Variants in WWOX observed in about 807,000 individuals in gnomAD.
WWOX encodes the protein WW domain-containing oxidoreductase.
A neutral mutation model predicts 46.2 loss-of-function variants in WWOX; 69 were observed. The observed-to-expected ratio is 1.49, with a 90% CI of 1.23 to 1.82. WWOX has a LOEUF of 1.82. Among genes scored for constraint, WWOX ranks in the 40% most tolerant of loss-of-function variants. The pLI is 0.00. For missense variants in WWOX, 919 were observed against 542.6 expected, an observed-to-expected ratio of 1.69 and a Z score of -6.89; for synonymous variants, 359 against 202.6, an observed-to-expected ratio of 1.77 and a Z score of -6.56.
At chr16:78,190,199 A>C (rs778630821) in intron 5 of WWOX, among the ~76,000 whole-genome samples, 1 of 152,268 alleles carries the variant, frequency 6.6e-6, no homozygotes, top group East Asian at 1.9e-4. Context: ...ACCAGTCCCT[A>C]GCCTGTGGAG....
chr16:78,711,869 A>G (rs1343959841), intron 8 of WWOX, among the ~76,000 whole-genome samples: 1 of 152,144 alleles, frequency 6.6e-6, no homozygotes, highest in African/African-American at 2.4e-5. Context: ...ACATCTTACA[A>G]ATTCCCTCAG....
intron 8 of WWOX, among the ~76,000 whole-genome samples, chr16:78,644,432 C>T (rs1237646691): frequency 6.6e-6 from 1 of 151,808 alleles, no homozygotes. Flanking sequence ...CGTCAGGGAG[C>T]GTATTTTCAA....
intron 8 of WWOX, among the ~76,000 whole-genome samples, chr16:78,688,630 C>T (rs1448329874): frequency 2.0e-5 from 3 of 152,114 alleles, no homozygotes; most frequent in Non-Finnish European, 4.4e-5. Context: ...GCAAATTTTC[C>T]CCCAAGGGAT....
intron 8 of WWOX, among the ~76,000 whole-genome samples, chr16:79,102,883 T>C (rs2049229759): frequency 6.6e-6 from 1 of 151,696 alleles, no homozygotes; most frequent in Non-Finnish European, 1.5e-5. Context: ...CCTGTGTACT[T>C]GGGCACGCAC....
At chr16:78,494,731 T>G (rs1194526148) in intron 8 of WWOX, among the ~76,000 whole-genome samples, 3 of 152,170 alleles carry the variant, frequency 2.0e-5, no homozygotes, top group Non-Finnish European at 4.4e-5. Context: ...TCATCGGTCC[T>G]TGAGTCAGCA....
chr16:78,153,891 C>G (rs146811328), intron 4 of WWOX, among the ~76,000 whole-genome samples: 22 of 152,216 alleles, frequency 1.4e-4, no homozygotes, highest in African/African-American at 4.8e-4. Flanking sequence ...AAGAAGCTGC[C>G]TTTTTCTTAG....
At chr16:79,000,071 G>A (rs1338312078) in intron 8 of WWOX, among the ~76,000 whole-genome samples, 2 of 152,138 alleles carry the variant, frequency 1.3e-5, no homozygotes, top group African/African-American at 4.8e-5. Context: ...AGGCTCCTGG[G>A]ATAAAAACCA....
At chr16:78,846,982 A>T (rs1437274693) in intron 8 of WWOX, among the ~76,000 whole-genome samples, 1 of 152,236 alleles carries the variant, frequency 6.6e-6, no homozygotes, top group East Asian at 1.9e-4. Flanking sequence ...TTTGGTGCTC[A>T]AATTGTTCCG....
intron 5 of WWOX, among the ~76,000 whole-genome samples, chr16:78,182,168 A>C (rs908132413): frequency 6.6e-6 from 1 of 152,178 alleles, no homozygotes; most frequent in Non-Finnish European, 1.5e-5. Flanking sequence ...CCTCATCTGT[A>C]ACTTGGGGAT....
At chr16:78,739,336 C>T (rs28498701) in intron 8 of WWOX, among the ~76,000 whole-genome samples, 22,364 of 152,060 alleles carry the variant, frequency 0.15, 2,000 homozygotes, top group African/African-American at 0.24. Context: ...TCCCAACACT[C>T]GCAGCAGAGG....
At chr16:78,612,611 A>T (rs919624353) in intron 8 of WWOX, among the ~76,000 whole-genome samples, 4 of 152,130 alleles carry the variant, frequency 2.6e-5, no homozygotes, top group Non-Finnish European at 4.4e-5. Context: ...AAGTAGGACT[A>T]CAGTTGTGCA....
intron 8 of WWOX, among the ~76,000 whole-genome samples, chr16:78,787,618 G>T (rs997237598): frequency 1.3e-5 from 2 of 152,158 alleles, no homozygotes; most frequent in African/African-American, 4.8e-5. Flanking sequence ...ATGCTGCTAT[G>T]ATCATACATG....
intron 8 of WWOX, among the ~76,000 whole-genome samples, chr16:78,738,360 A>G (rs1012680509): frequency 6.6e-6 from 1 of 152,170 alleles, no homozygotes; most frequent in African/African-American, 2.4e-5. Flanking sequence ...CATAAAATCA[A>G]TATTTATGTG....
At chr16:78,883,536 G>T (rs551249212) in intron 8 of WWOX, among the ~76,000 whole-genome samples, 1 of 151,936 alleles carries the variant, frequency 6.6e-6, no homozygotes, top group Non-Finnish European at 1.5e-5. Context: ...CCAGCCTGGC[G>T]AACATGGCAA....
At chr16:78,216,820 C>T (rs12051346) in intron 5 of WWOX, among the ~76,000 whole-genome samples, 12,346 of 152,152 alleles carry the variant, frequency 0.081, 603 homozygotes, top group Admixed American at 0.16. Context: ...CAACTTCCGC[C>T]TCCAGGGTTC....
intron 5 of WWOX, among the ~76,000 whole-genome samples, chr16:78,357,315 A>C (rs2081316631): frequency 1.3e-5 from 2 of 152,172 alleles, no homozygotes; most frequent in South Asian, 4.1e-4. Context: ...TAGCATAGGT[A>C]CTTACCTTTC....
At chr16:78,786,653 T>A (rs926180300) in intron 8 of WWOX, among the ~76,000 whole-genome samples, 17 of 152,250 alleles carry the variant, frequency 1.1e-4, no homozygotes, top group African/African-American at 3.9e-4. Context: ...AAATCTAATT[T>A]TAGAGTATCT....
At chr16:78,747,320 T>C (rs1424792079) in intron 8 of WWOX, among the ~76,000 whole-genome samples, 1 of 151,860 alleles carries the variant, frequency 6.6e-6, no homozygotes, top group Non-Finnish European at 1.5e-5. Context: ...GCCTCCCAAA[T>C]TGCTGAGAGT....
chr16:78,845,912 G>C lies in WWOX; in HGVS notation c.1057-365696G>C, dbSNP rs572553483. Among the ~76,000 whole-genome samples the C allele has an allele frequency of 4.3e-4, 66 of 152,232 alleles. No homozygotes were observed. In the Middle Eastern group the frequency reaches 0.01, roughly 24 times the overall value. On this transcript the variant is annotated intron_variant, in intron 8 of 8. Coordinates refer to ENST00000566780, the MANE Select transcript of WWOX (RefSeq NM_016373.4). Reference sequence around the variant, plus strand: ...CTCATTTTCCCCATTTAAGGTAGATGGGTTTATGCCTAATTGTGCCACCAG... The same window carrying C: ...CTCATTTTCCCCATTTAAGGTAGATCGGTTTATGCCTAATTGTGCCACCAG...
Sources: gnomAD v4.1 joint callset for allele counts (sites outside exome capture counted in the v4.1 genomes callset) on GRCh38, gnomAD v4.1.1 for gene constraint, MANE v1.5 for transcripts, NCBI Gene and HGNC (gene_info 2026-07-23, HGNC 2026-07-21) for gene names.